SEC14L3: variants seen among roughly 807,000 people sequenced by gnomAD.
SEC14L3 encodes the protein SEC14-like protein 3.
A neutral mutation model predicts 57.4 loss-of-function variants in SEC14L3; 56 were observed. That is an observed-to-expected ratio of 0.97 (90% CI 0.79 to 1.22). The LOEUF (loss-of-function observed/expected upper bound fraction) is 1.22. Ranked by LOEUF, SEC14L3 falls within the 50% of genes most tolerant of loss-of-function variation. SEC14L3 has a pLI of 0.00. For missense variants in SEC14L3, 485 were observed against 511.7 expected, an observed-to-expected ratio of 0.95 and a Z score of 0.50; for synonymous variants, 173 against 194.4, an observed-to-expected ratio of 0.89 and a Z score of 0.92.
chr22:30,464,766 C>T (rs959305000), intron 8 of SEC14L3, 54 bp downstream of exon 8: 4 of 1,548,496 alleles, frequency 2.6e-6, no homozygotes, highest in Admixed American at 3.3e-5. Flanking sequence ...AATGGGACAA[C>T]CTCACTCCAA....
At position 30,459,982 on chromosome 22, in the gene SEC14L3, T is replaced by A; in HGVS notation, c.*39A>T. ...GGAGTGTAGGATATAAACAGAGAAATCAAAGGGTTAGGAGGTCTCTGAGAA... is the reference window on the plus strand; with the variant it reads ...GGAGTGTAGGATATAAACAGAGAAAACAAAGGGTTAGGAGGTCTCTGAGAA... On this transcript the variant is annotated 3_prime_UTR_variant, in exon 12 of 12. Transcript: ENST00000215812. 1.2e-6 allele frequency: 2 copies of A among 1,605,108 alleles called. No individual in the cohort carries two copies. The highest frequency in any genetic ancestry group is 2.2e-5 in the East Asian group (1 of 44,664).
rs752956074 is a variant in SEC14L3, at chr22:30,461,317, G to A, written c.1074C>T (p.Ala358=). ...CAGCTGGGGCAGACTTACAGACGCCGGCCTCTGAGCAGGTGAGGTTCCCAT... is the reference window on the plus strand; with the variant it reads ...CAGCTGGGGCAGACTTACAGACGCCAGCCTCTGAGCAGGTGAGGTTCCCAT... The part of the protein sequence containing the change: ...PEDGNLTCSE[A]GVYVLRFDNT... Residue 358 remains alanine (A), a synonymous_variant, in exon 11 of 12, where the codon GCC becomes GCT. Coordinates refer to ENST00000215812, the MANE Select transcript of SEC14L3 (RefSeq NM_174975.5). The A allele has an allele frequency of 1.5e-5, 24 of 1,589,278 alleles. No individual in the cohort carries two copies. Among genetic ancestry groups the A allele is most frequent in the African/African-American group, 4.0e-5 (3 of 74,274 alleles).
intron 1 of SEC14L3, 50 bp downstream of exon 1, chr22:30,471,855 C>G (rs1601829781): frequency 6.2e-7 from 1 of 1,612,768 alleles, no homozygotes; most frequent in Non-Finnish European, 8.5e-7. Flanking sequence ...TTTCCACCCC[C>G]CAGCCCCTTT....
chr22:30,462,082 G>A lies in SEC14L3; in HGVS notation c.771+4C>T. ...CTCTTGTCCCAGGGAAGGGCTCTTT[G>A]TACCTTGGTTAAACATTTGGGGTTC... On this transcript the variant is annotated splice_donor_region_variant and intron_variant, in intron 9 of 11. Coordinates refer to ENST00000215812, the MANE Select transcript of SEC14L3 (RefSeq NM_174975.5). 1 of 1,613,906 alleles carries A rather than the reference G, an allele frequency of 6.2e-7. No individual in the cohort carries two copies. Among genetic ancestry groups the A allele is most frequent in the Non-Finnish European group, 8.5e-7 (1 of 1,179,892 alleles).
intron 8 of SEC14L3, 129 bp from the exon 9 acceptor site, chr22:30,462,321 A>C: frequency 5.8e-6 from 8 of 1,380,302 alleles, no homozygotes; most frequent in Non-Finnish European, 7.7e-6. Context: ...CCAATTCCCC[A>C]GTGTCCTAGG....
intron 12 of SEC14L3, among the ~76,000 whole-genome samples, chr22:30,450,935 T>C (rs897824952): frequency 6.6e-6 from 1 of 152,232 alleles, no homozygotes; most frequent in Admixed American, 6.5e-5. Flanking sequence ...GCAGAGATGG[T>C]GGCCATGCTG....
At position 30,462,084 on chromosome 22, in the gene SEC14L3, AC is replaced by A. The variant is rs766965481; in HGVS notation, c.771+1del. ...CTTGTCCCAGGGAAGGGCTCTTTGT[AC>A]CTTGGTTAAACATTTGGGGTTCCCA... On this transcript the variant is annotated splice_donor_variant, in intron 9 of 11. Coordinates refer to ENST00000215812, the MANE Select transcript of SEC14L3 (RefSeq NM_174975.5). LOFTEE classifies it high-confidence loss of function. The A allele has an allele frequency of 1.2e-6, 2 of 1,613,928 alleles. No homozygotes were observed. Among genetic ancestry groups the A allele is most frequent in the Non-Finnish European group, 1.7e-6 (2 of 1,179,924 alleles).
chr22:30,466,331 T>C lies in SEC14L3; in HGVS notation c.580+3A>G, dbSNP rs773211189. The C allele has an allele frequency of 1.2e-6, 2 of 1,613,566 alleles. No homozygotes were observed. Among genetic ancestry groups the C allele is most frequent in the Non-Finnish European group, 1.7e-6 (2 of 1,179,486 alleles). Reference sequence around the variant, plus strand: ...CAAGTAAGTGAAGTCATTTGTCACATACCTTTCACGATGAGCATGAACTTC... The same window carrying C: ...CAAGTAAGTGAAGTCATTTGTCACACACCTTTCACGATGAGCATGAACTTC... On this transcript the variant is annotated splice_donor_region_variant and intron_variant, in intron 7 of 11. Coordinates refer to ENST00000215812, the MANE Select transcript of SEC14L3 (RefSeq NM_174975.5).
At chr22:30,452,246 C>CTTTTTTTT (rs750537241) in intron 12 of SEC14L3, among the ~76,000 whole-genome samples, 21 of 90,004 alleles carry the variant, frequency 2.3e-4, no homozygotes, top group Non-Finnish European at 3.9e-4. Flanking sequence ...TTCTTTCTTT[C>CTTTTTTTT]TTTTTTTTTT....
At chr22:30,448,078 C>T (rs1159662637) in exon 13 of SEC14L3, 1 of 152,120 alleles carries the variant, frequency 6.6e-6, no homozygotes, top group African/African-American at 2.4e-5. Flanking sequence ...CTCCTGCCCT[C>T]TCTGCCCATG....
downstream of SEC14L3, among the ~76,000 whole-genome samples, chr22:30,458,293 G>T (rs903638001): frequency 6.6e-6 from 1 of 152,204 alleles, no homozygotes; most frequent in Non-Finnish European, 1.5e-5. Flanking sequence ...GCGTCAGGGG[G>T]TTGTGCTTCA....
chr22:30,458,374 T>G (rs1224141637), downstream of SEC14L3, among the ~76,000 whole-genome samples: 1 of 152,134 alleles, frequency 6.6e-6, no homozygotes, highest in Non-Finnish European at 1.5e-5. Flanking sequence ...CTGCTGTGAA[T>G]TTCCTTGGAC....
At chr22:30,463,129 G>A (rs1935318109) in intron 8 of SEC14L3, among the ~76,000 whole-genome samples, 1 of 152,180 alleles carries the variant, frequency 6.6e-6, no homozygotes, top group East Asian at 1.9e-4. Flanking sequence ...TGACGTCAAC[G>A]GCCTTGTTGG....
In SEC14L3 at chr22:30,468,948, C is replaced by T. The variant is rs946831040; in HGVS notation, c.235-252G>A. 3.1e-5 allele frequency: 45 copies of T among 1,445,290 alleles called. No homozygotes were observed. In the East Asian group the frequency reaches 9.8e-4, roughly 31 times the overall value. The allele number at this position is 1,445,290 out of a possible 1,614,324, so 89.5% of individuals were successfully genotyped here. A position where few individuals can be genotyped will look rare whatever the true frequency, so the allele number is the denominator to read the frequency against. ...TCTTAGGTCTGCCCCTGATGTCTCC[C>T]GTGTCCCTTTCTGTGGAGAAGAGTC... is the stretch of plus-strand genomic sequence containing the variant. On this transcript the variant is annotated intron_variant, in intron 4 of 11. Coordinates refer to ENST00000215812, the MANE Select transcript of SEC14L3 (RefSeq NM_174975.5).
intron 9 of SEC14L3, 138 bp from the exon 10 acceptor site, chr22:30,461,832 A>C: frequency 7.9e-7 from 1 of 1,265,448 alleles, no homozygotes; most frequent in Non-Finnish European, 1.1e-6. Flanking sequence ...CAAGCCTTCT[A>C]TGACCCTCCA....
intron 9 of SEC14L3, 130 bp downstream of exon 9, chr22:30,461,956 G>A (rs1935281338): frequency 3.7e-6 from 4 of 1,091,894 alleles, no homozygotes; most frequent in Non-Finnish European, 4.1e-6. Flanking sequence ...AAGGGCGAGG[G>A]TTGTATTGAC....
At position 30,472,013 on chromosome 22, in the gene SEC14L3, A is replaced by T; in HGVS notation, c.-55T>A. ...CCACTATAGGCAAGAGGCCAAGCCT[A>T]GTTTGTCAGCCCTGACCCAGCTGGG... On this transcript the variant is annotated 5_prime_UTR_variant, in exon 1 of 12. Transcript: ENST00000215812. The T allele has an allele frequency of 1.3e-6, 2 of 1,527,318 alleles. No individual in the cohort carries two copies. The highest frequency in any genetic ancestry group is 1.8e-6 in the Non-Finnish European group (2 of 1,137,772). The allele number at this position is 1,527,318 out of a possible 1,614,324, so 94.6% of individuals were successfully genotyped here. A position where few individuals can be genotyped will look rare whatever the true frequency, so the allele number is the denominator to read the frequency against.
At chr22:30,449,704 A>G (rs1183898522) in intron 12 of SEC14L3, among the ~76,000 whole-genome samples, 1 of 151,894 alleles carries the variant, frequency 6.6e-6, no homozygotes, top group East Asian at 1.9e-4. Context: ...AGCTGGGACT[A>G]CAGGCTTGCA....
downstream of SEC14L3, among the ~76,000 whole-genome samples, chr22:30,454,773 ATAT>A (rs1400147047): frequency 2.4e-3 from 182 of 75,170 alleles, 1 homozygote; most frequent in African/African-American, 4.3e-3. Flanking sequence ...AATATATAAT[ATAT>A]TATTATATAT....
Sources: allele counts gnomAD v4.1 joint callset (sites outside exome capture counted in the v4.1 genomes callset), GRCh38; gene constraint gnomAD v4.1.1; transcripts MANE v1.5; gene names NCBI Gene and HGNC (gene_info 2026-07-23, HGNC 2026-07-21).